The following KYNU variants were observed in gnomAD, a reference collection of about 807,000 sequenced individuals.
The protein encoded by KYNU is kynureninase, also known as L-kynurenine hydrolase.
KYNU carries 54 observed loss-of-function variants against 59.2 expected under a neutral mutation model. The observed-to-expected ratio is 0.91, with a 90% CI of 0.73 to 1.14. The LOEUF is 1.14. Ranked by LOEUF, KYNU falls within the 50% of genes most tolerant of loss-of-function variation. The pLI is 0.00. For missense variants in KYNU, 567 were observed against 554.4 expected (o/e 1.02, Z -0.23); for synonymous variants, 177 against 192.0 (o/e 0.92, Z 0.65).
chr2:142,983,418 C>A (rs1165451845), intron 8 of KYNU, among the ~76,000 whole-genome samples: 2 of 152,062 alleles, frequency 1.3e-5, no homozygotes, highest in Non-Finnish European at 2.9e-5. Flanking sequence ...GAAACTTACA[C>A]CTTACCCACA....
At chr2:142,917,057 A>G (rs2104987475) in intron 2 of KYNU, among the ~76,000 whole-genome samples, 1 of 152,360 alleles carries the variant, frequency 6.6e-6, no homozygotes, top group East Asian at 1.9e-4. Flanking sequence ...GTTTTAGCAT[A>G]GCACTAAACC....
intron 2 of KYNU, among the ~76,000 whole-genome samples, chr2:142,891,872 A>G (rs192723865): frequency 1.3e-5 from 2 of 152,324 alleles, no homozygotes; most frequent in East Asian, 1.9e-4. Context: ...TAAGAAAACA[A>G]TTAAGAGTAT....
At chr2:143,037,172 G>A (rs1462276926) in intron 12 of KYNU, among the ~76,000 whole-genome samples, 3 of 152,140 alleles carry the variant, frequency 2.0e-5, no homozygotes, top group Non-Finnish European at 2.9e-5. Context: ...TGAAGCCTGA[G>A]GCCAGGAACC....
intron 10 of KYNU, among the ~76,000 whole-genome samples, chr2:142,994,272 A>C (rs1169862369): frequency 1.3e-5 from 2 of 152,020 alleles, no homozygotes; most frequent in East Asian, 3.9e-4. Flanking sequence ...CCAGGTACCA[A>C]GTCCTGGTAC....
intron 10 of KYNU, chr2:142,988,921 A>G: frequency 6.3e-7 from 1 of 1,576,042 alleles, no homozygotes; most frequent in East Asian, 2.2e-5. Context: ...TCCAGTCATC[A>G]CTTCATTGTC....
rs187431889 is a variant in KYNU, at chr2:142,893,396, C to T, written c.169+7860C>T. Among the ~76,000 whole-genome samples, 249 of 152,286 alleles carry T rather than the reference C, an allele frequency of 1.6e-3. 2 individuals are homozygous for T. Among genetic ancestry groups the T allele is most frequent in the African/African-American group, 5.7e-3 (237 of 41,560 alleles). On this transcript the variant is annotated intron_variant, in intron 2 of 13. Transcript: ENST00000264170. ...TTGCCATCATCAGCTATCACAAAGA[C>T]TGTATAAGCCTTTCATTTAGCAGTC...
intron 7 of KYNU, 43 bp downstream of exon 7, chr2:142,957,758 A>G (rs759655866): frequency 1.6e-6 from 2 of 1,273,304 alleles, no homozygotes; most frequent in Admixed American, 3.4e-5. Flanking sequence ...TTTGTTTAGT[A>G]TTGATTTTTT....
rs937410059 is a variant in KYNU, at chr2:143,026,390, C to G, written c.903-3237C>G. 7.2e-5 allele frequency among the ~76,000 whole-genome samples: 11 copies of G among 152,204 alleles called. 1 individual carries two copies. The highest frequency in any genetic ancestry group is 5.9e-4 in the Admixed American group (9 of 15,286). ...AATGAAGCAGGATATTTCCCTGACCCCTTCGCGGAATTCCTGACAGGGGTG... is the reference window on the plus strand; with the variant it reads ...AATGAAGCAGGATATTTCCCTGACCGCTTCGCGGAATTCCTGACAGGGGTG... On this transcript the variant is annotated intron_variant, in intron 10 of 13. Transcript: ENST00000264170.
Position 142,957,718 on chromosome 2 carries a change from A to G in KYNU, c.582+3A>G. On this transcript the variant is annotated splice_donor_region_variant and intron_variant, in intron 7 of 13. Transcript: ENST00000264170. ...TGCGGATGATAAAGCCAAGAGAGGTATATGAGAAAGAAAGAAATATTTGTC... is the reference window on the plus strand; with the variant it reads ...TGCGGATGATAAAGCCAAGAGAGGTGTATGAGAAAGAAAGAAATATTTGTC... 3 of 1,563,464 alleles carry G rather than the reference A, an allele frequency of 1.9e-6. No homozygotes were observed. Among genetic ancestry groups the G allele is most frequent in the Non-Finnish European group, 2.6e-6 (3 of 1,134,372 alleles).
chr2:142,936,945 G>T (rs1683410383), intron 4 of KYNU, among the ~76,000 whole-genome samples: 3 of 152,182 alleles, frequency 2.0e-5, no homozygotes, highest in Admixed American at 2.0e-4. Context: ...AAGATGAGGT[G>T]GTGTGGAGCA....
chr2:142,993,585 T>C (rs1685461379), intron 10 of KYNU, among the ~76,000 whole-genome samples: 1 of 152,020 alleles, frequency 6.6e-6, no homozygotes, highest in South Asian at 2.1e-4. Context: ...TTTAGATCAA[T>C]AATTTTTAAA....
chr2:142,941,012 T>C (rs1310796875), intron 4 of KYNU, among the ~76,000 whole-genome samples: 1 of 152,210 alleles, frequency 6.6e-6, no homozygotes, highest in East Asian at 1.9e-4. Flanking sequence ...GCCACTCTCT[T>C]GGTACTTAAA....
intron 8 of KYNU, among the ~76,000 whole-genome samples, chr2:142,974,605 C>A (rs565432238): frequency 6.6e-6 from 1 of 152,170 alleles, no homozygotes; most frequent in Non-Finnish European, 1.5e-5. Context: ...TGCCAGTTTC[C>A]CCCAAGGAGT....
chr2:142,915,602 T>C (rs1013352538), intron 2 of KYNU, among the ~76,000 whole-genome samples: 14 of 152,154 alleles, frequency 9.2e-5, no homozygotes, highest in African/African-American at 3.1e-4. Flanking sequence ...ACTAAAATGC[T>C]CCTCAAGCAA....
chr2:142,879,110 A>T (rs1681200572), intron 1 of KYNU, among the ~76,000 whole-genome samples: 1 of 152,252 alleles, frequency 6.6e-6, no homozygotes, highest in Admixed American at 6.5e-5. Flanking sequence ...TTGCAAACTA[A>T]ACATGGCATA....
At chr2:143,037,952 A>C (rs1479679139) in intron 12 of KYNU, among the ~76,000 whole-genome samples, 2 of 152,164 alleles carry the variant, frequency 1.3e-5, no homozygotes, top group Non-Finnish European at 2.9e-5. Flanking sequence ...TTTTATATTT[A>C]AAAGTTATTT....
At chr2:142,911,660 C>A (rs1573779977) in intron 2 of KYNU, among the ~76,000 whole-genome samples, 1 of 152,076 alleles carries the variant, frequency 6.6e-6, no homozygotes, top group African/African-American at 2.4e-5. Context: ...TTTATTCATT[C>A]AGTATGATGT....
chr2:143,027,611 A>G (rs1199953966), intron 10 of KYNU, among the ~76,000 whole-genome samples: 2 of 152,208 alleles, frequency 1.3e-5, no homozygotes, highest in South Asian at 2.1e-4. Flanking sequence ...TGGGACAAAT[A>G]TCACTTCTCT....
At chr2:142,957,955 T>A (rs544154428) in intron 7 of KYNU, 5 of 434,092 alleles carry the variant, frequency 1.2e-5, no homozygotes, top group African/African-American at 8.1e-5. Flanking sequence ...TTTCTGTTAA[T>A]ACCACTGGAT....
Sources: allele counts gnomAD v4.1 joint callset (sites outside exome capture counted in the v4.1 genomes callset), GRCh38; gene constraint gnomAD v4.1.1; transcripts MANE v1.5; gene names NCBI Gene and HGNC (gene_info 2026-07-23, HGNC 2026-07-21).